DERA: variants seen among roughly 807,000 people sequenced by gnomAD.
DERA encodes 2-deoxy-D-ribose 5-phosphate aldolase.
A neutral mutation model predicts 41.1 loss-of-function variants in DERA; 15 were observed. The observed-to-expected ratio is 0.37, with a 90% CI of 0.24 to 0.56. DERA has a LOEUF of 0.56. DERA is among the 20% of genes least tolerant of loss of function. DERA has a pLI of 0.81. For synonymous variants in DERA, 139 were observed against 137.4 expected (o/e 1.01, Z -0.08); for missense variants, 396 against 403.4 (o/e 0.98, Z 0.16).
chr12:15,945,893 G>T (rs1425041100), intron 1 of DERA, among the ~76,000 whole-genome samples: 1 of 152,134 alleles, frequency 6.6e-6, no homozygotes, highest in African/African-American at 2.4e-5. Flanking sequence ...TTATTATTTT[G>T]AGATATGTCC....
rs543684626 is a variant in DERA at position 15,999,722 on chromosome 12, C to T, written c.637+17286C>T. Among the ~76,000 whole-genome samples, 66 of 152,204 alleles carry T rather than the reference C, an allele frequency of 4.3e-4. No homozygotes were observed. The highest frequency in any genetic ancestry group is 1.5e-3 in the African/African-American group (64 of 41,510). ...AATTGAAGTTTCGTGTTTGGGGGTACAGGAAATTTTTAGCCTGAGGAATGA... is the reference window on the plus strand; with the variant it reads ...AATTGAAGTTTCGTGTTTGGGGGTATAGGAAATTTTTAGCCTGAGGAATGA... On this transcript the variant is annotated intron_variant, in intron 6 of 8. Transcript: ENST00000428559. This position sits in a 1 kb window ranked among gnomAD's most constrained non-coding sequence, Gnocchi z 5.3.
chr12:16,036,298 A>G lies in DERA; in HGVS notation c.817A>G (p.Lys273Glu), dbSNP rs1048877086. Residue 273 changes from lysine (K) to glutamate (E), a missense_variant, in exon 8 of 9, where the codon AAG (lysine) becomes GAG (glutamate). Lys to Glu is a moderately conservative substitution (Grantham distance 56). Coordinates refer to ENST00000428559, the MANE Select transcript of DERA (RefSeq NM_015954.4). This position sits in a 1 kb window ranked among gnomAD's most constrained non-coding sequence, Gnocchi z 4.9. ...TTCCCTTGCTTGGCTCTCTCTTGTA[A>G]AGGAGGAGCTTGGAGATGAGTGGCT... The part of the protein sequence containing the change: ...KDSLAWLSLV[K>E]EELGDEWLKP... The G allele has an allele frequency of 6.2e-7, 1 of 1,613,760 alleles. No individual in the cohort carries two copies. Among genetic ancestry groups the G allele is most frequent in the African/African-American group, 1.3e-5 (1 of 75,036 alleles).
rs1368128680 is a variant in DERA at position 15,985,560 on chromosome 12, TTTG to T, written c.637+3130_637+3132del. ...TCTTTTCAGAGAGCCAAGTTTTTAT[TTTG>T]TTGTTTTTTTTTCATTACTTTTCAG... On this transcript the variant is annotated intron_variant, in intron 6 of 8. Coordinates refer to ENST00000428559, the MANE Select transcript of DERA (RefSeq NM_015954.4). The surrounding 1 kb of genome is among the most constrained non-coding windows in gnomAD (Gnocchi z 4.2). Among the ~76,000 whole-genome samples the T allele has an allele frequency of 1.0e-3, 117 of 115,984 alleles. No homozygotes were observed. The highest frequency in any genetic ancestry group is 3.1e-3 in the African/African-American group (112 of 35,666). The allele number at this position is 115,984 out of a possible 152,430, so 76.1% of individuals were successfully genotyped here.
chr12:15,952,535 A>G (rs1948506289), intron 1 of DERA, among the ~76,000 whole-genome samples: 2 of 152,118 alleles, frequency 1.3e-5, no homozygotes, highest in South Asian at 2.1e-4. Context: ...TACACATTAT[A>G]AAAAAAATAA....
In DERA at chr12:16,000,334, A is replaced by G. The variant is rs1339776452; in HGVS notation, c.637+17898A>G. The stretch of plus-strand genomic sequence containing the variant: ...AAGGAAAAACATAGTAACGTTTTTA[A>G]GGAAATCTGATGAAGGCTATGAAGG... On this transcript the variant is annotated intron_variant, in intron 6 of 8. Coordinates refer to ENST00000428559, the MANE Select transcript of DERA (RefSeq NM_015954.4). This position sits in a 1 kb window ranked among gnomAD's most constrained non-coding sequence, Gnocchi z 4.8. Among the ~76,000 whole-genome samples the G allele has an allele frequency of 6.6e-6, 1 of 152,234 alleles. No individual in the cohort carries two copies. The highest frequency in any genetic ancestry group is 2.4e-5 in the African/African-American group (1 of 41,466).
Position 15,993,178 on chromosome 12 carries a change from A to C in DERA, c.637+10742A>C, listed in dbSNP as rs1275817544. Among the ~76,000 whole-genome samples, 1 of 152,176 alleles carries C rather than the reference A, an allele frequency of 6.6e-6. No homozygotes were observed. Among genetic ancestry groups the C allele is most frequent in the Non-Finnish European group, 1.5e-5 (1 of 68,010 alleles). ...TGAGAGGAAGCGGAGAAATAAGAGA[A>C]TATAGGGGAAGCCATCAAAAAATAA... On this transcript the variant is annotated intron_variant, in intron 6 of 8. Transcript: ENST00000428559. The surrounding 1 kb of genome is among the most constrained non-coding windows in gnomAD (Gnocchi z 4.4).
rs3782533 is a variant in DERA at position 16,000,632 on chromosome 12, A to C, written c.637+18196A>C. Among the ~76,000 whole-genome samples, 9,926 of 152,234 alleles carry C rather than the reference A, an allele frequency of 0.065. 1,033 individuals carry two copies. Among genetic ancestry groups the C allele is most frequent in the African/African-American group, 0.22 (9,139 of 41,484 alleles). Reference sequence around the variant, plus strand: ...AATTGGCCAGGGACAACGGAGGAGGAACTGAATAGTCAATGAAATTGGAAA... The same window carrying C: ...AATTGGCCAGGGACAACGGAGGAGGCACTGAATAGTCAATGAAATTGGAAA... On this transcript the variant is annotated intron_variant, in intron 6 of 8. Coordinates refer to ENST00000428559, the MANE Select transcript of DERA (RefSeq NM_015954.4). This position sits in a 1 kb window ranked among gnomAD's most constrained non-coding sequence, Gnocchi z 4.8.
Position 15,935,078 on chromosome 12 carries a change from A to G in DERA, c.32-21858A>G, listed in dbSNP as rs1033217944. Among the ~76,000 whole-genome samples the G allele has an allele frequency of 2.6e-5, 4 of 152,218 alleles. No homozygotes were observed. Among genetic ancestry groups the G allele is most frequent in the Non-Finnish European group, 5.9e-5 (4 of 68,042 alleles). On this transcript the variant is annotated intron_variant, in intron 1 of 8. Coordinates refer to ENST00000428559, the MANE Select transcript of DERA (RefSeq NM_015954.4). The surrounding 1 kb of genome is among the most constrained non-coding windows in gnomAD (Gnocchi z 4.8). Reference sequence around the variant, plus strand: ...CTTTGGAGGAGAGTTTGGAAAAACAATTGACAGACATCAAGTTAAGGTTTT... The same window carrying G: ...CTTTGGAGGAGAGTTTGGAAAAACAGTTGACAGACATCAAGTTAAGGTTTT...
chr12:16,034,629 T>C (rs1949114881), intron 7 of DERA, among the ~76,000 whole-genome samples: 1 of 152,166 alleles, frequency 6.6e-6, no homozygotes, highest in Admixed American at 6.5e-5. Context: ...TTCTACGTCA[T>C]TGATTTAAGG....
rs1324154036 is a variant in DERA, at chr12:15,976,354, C to T, written c.509-5954C>T. On this transcript the variant is annotated intron_variant, in intron 5 of 8. Transcript: ENST00000428559. The surrounding 1 kb of genome is among the most constrained non-coding windows in gnomAD (Gnocchi z 4.1). ...CTCCCCAACCCCTAGAATTTTCAGT[C>T]CTCGCTGGTAAGGGTGACCTTCACT... 1.3e-5 allele frequency among the ~76,000 whole-genome samples: 2 copies of T among 152,142 alleles called. No homozygotes were observed. Among genetic ancestry groups the T allele is most frequent in the Non-Finnish European group, 2.9e-5 (2 of 68,026 alleles).
rs1256040696 is a variant in DERA, at chr12:15,921,042, C to A, written c.31+9628C>A. On this transcript the variant is annotated intron_variant, in intron 1 of 8. Coordinates refer to ENST00000428559, the MANE Select transcript of DERA (RefSeq NM_015954.4). The surrounding 1 kb of genome is among the most constrained non-coding windows in gnomAD (Gnocchi z 5.3). ...ATTGTTTTTTTGATAAATCTTATGT[C>A]ATTTTTACCTTAATCTTATTATCTT... Among the ~76,000 whole-genome samples the A allele has an allele frequency of 6.6e-6, 1 of 152,108 alleles. No homozygotes were observed. The highest frequency in any genetic ancestry group is 1.9e-4 in the East Asian group (1 of 5,194).
chr12:15,927,332 G>A (rs1948294466), intron 1 of DERA, among the ~76,000 whole-genome samples: 1 of 152,120 alleles, frequency 6.6e-6, no homozygotes, highest in Admixed American at 6.5e-5. Context: ...TATTTGGTAA[G>A]TCTCATTGGT....
At position 15,988,001 on chromosome 12, in the gene DERA, G is replaced by A. The variant is rs1481359009; in HGVS notation, c.637+5565G>A. Reference sequence around the variant, plus strand: ...GCAGCTCCAGGTGCAGACTCCATGCGAGGCTGTGGCTGGACCAGACGTACC... The same window carrying A: ...GCAGCTCCAGGTGCAGACTCCATGCAAGGCTGTGGCTGGACCAGACGTACC... On this transcript the variant is annotated intron_variant, in intron 6 of 8. Coordinates refer to ENST00000428559, the MANE Select transcript of DERA (RefSeq NM_015954.4). The surrounding 1 kb of genome is among the most constrained non-coding windows in gnomAD (Gnocchi z 6.0). Among the ~76,000 whole-genome samples, 2 of 152,124 alleles carry A rather than the reference G, an allele frequency of 1.3e-5. No homozygotes were observed. Among genetic ancestry groups the A allele is most frequent in the South Asian group, 2.1e-4 (1 of 4,832 alleles).
At chr12:16,024,675 CTT>C (rs1386527586) in intron 6 of DERA, among the ~76,000 whole-genome samples, 2 of 150,680 alleles carry the variant, frequency 1.3e-5, no homozygotes, top group South Asian at 2.1e-4. Flanking sequence ...GTAATCCACT[CTT>C]ATTACGCTGT....
Position 15,965,172 on chromosome 12 carries a change from A to G in DERA, c.508+2225A>G, listed in dbSNP as rs1193966522. 6.6e-6 allele frequency among the ~76,000 whole-genome samples: 1 copy of G among 152,242 alleles called. No homozygotes were observed. The highest frequency in any genetic ancestry group is 1.5e-5 in the Non-Finnish European group (1 of 68,048). On this transcript the variant is annotated intron_variant, in intron 5 of 8. Transcript: ENST00000428559. This position sits in a 1 kb window ranked among gnomAD's most constrained non-coding sequence, Gnocchi z 4.1. ...CTGTTTATTAAAATATGAGCATAAA[A>G]TAATTTCTTGGAATTTGTGGATGGA...
intron 6 of DERA, among the ~76,000 whole-genome samples, chr12:16,016,791 C>CAAAAAAAA (rs55996641): frequency 6.1e-4 from 36 of 58,672 alleles, no homozygotes; most frequent in African/African-American, 1.6e-3. Flanking sequence ...GACCCTGTCT[C>CAAAAAAAA]AAAAAAAAAA....
At chr12:16,028,007 A>G (rs1361550215) in intron 6 of DERA, among the ~76,000 whole-genome samples, 1 of 152,226 alleles carries the variant, frequency 6.6e-6, no homozygotes, top group Non-Finnish European at 1.5e-5. Flanking sequence ...ATTTACAGAT[A>G]TGTGTATATA....
At chr12:16,029,452 A>C (rs1414850850) in intron 6 of DERA, among the ~76,000 whole-genome samples, 2 of 152,124 alleles carry the variant, frequency 1.3e-5, no homozygotes, top group East Asian at 3.9e-4. Flanking sequence ...ATAAATAAAT[A>C]AATAAACAAA....
At position 15,928,156 on chromosome 12, in the gene DERA, T is replaced by G. The variant is rs1948301282; in HGVS notation, c.31+16742T>G. Among the ~76,000 whole-genome samples the G allele has an allele frequency of 6.6e-6, 1 of 152,196 alleles. No individual in the cohort carries two copies. Among genetic ancestry groups the G allele is most frequent in the Non-Finnish European group, 1.5e-5 (1 of 68,026 alleles). On this transcript the variant is annotated intron_variant, in intron 1 of 8. Coordinates refer to ENST00000428559, the MANE Select transcript of DERA (RefSeq NM_015954.4). The surrounding 1 kb of genome is among the most constrained non-coding windows in gnomAD (Gnocchi z 4.6). ...TGTGTTGAGAATGTCTGAAATTTACTCTCTTAGCCGTTTTGAAACATACAT... is the reference window on the plus strand; with the variant it reads ...TGTGTTGAGAATGTCTGAAATTTACGCTCTTAGCCGTTTTGAAACATACAT...
Sources: allele counts gnomAD v4.1 joint callset (sites outside exome capture counted in the v4.1 genomes callset), GRCh38; gene constraint gnomAD v4.1.1; non-coding constraint Gnocchi (gnomAD v3.1); transcripts MANE v1.5; gene names NCBI Gene and HGNC (gene_info 2026-07-23, HGNC 2026-07-21).